Variants in SCAI observed in about 807,000 individuals in gnomAD.
SCAI encodes the protein protein SCAI.
A neutral mutation model predicts 92.2 loss-of-function variants in SCAI; 24 were observed. The observed-to-expected ratio is 0.26, with a 90% CI of 0.19 to 0.37. The LOEUF (loss-of-function observed/expected upper bound fraction) is 0.37. Among genes scored for constraint, SCAI ranks in the 10% least tolerant of loss-of-function variants. The pLI is 1.00. For synonymous variants in SCAI, 261 were observed against 258.6 expected (o/e 1.01, Z -0.09); for missense variants, 450 against 736.2 (o/e 0.61, Z 4.50).
At chr9:125,112,968 G>A (rs1272730421) in intron 2 of SCAI, among the ~76,000 whole-genome samples, 3 of 152,156 alleles carry the variant, frequency 2.0e-5, no homozygotes, top group Non-Finnish European at 4.4e-5. Context: ...ACCAAAGCAT[G>A]AAACAAATAT....
intron 17 of SCAI, among the ~76,000 whole-genome samples, chr9:124,956,583 AT>A (rs1407411666): frequency 6.6e-6 from 1 of 152,216 alleles, no homozygotes; most frequent in Non-Finnish European, 1.5e-5. Flanking sequence ...AGATCAGTAG[AT>A]GCAGAAAAAA....
chr9:124,957,523 C>G (rs1338104837), intron 17 of SCAI, among the ~76,000 whole-genome samples: 1 of 113,740 alleles, frequency 8.8e-6, no homozygotes. Context: ...CCACCACACC[C>G]GGCTAATTTT....
intron 2 of SCAI, among the ~76,000 whole-genome samples, chr9:125,141,492 A>C (rs981017069): frequency 1.3e-5 from 2 of 152,258 alleles, no homozygotes; most frequent in Non-Finnish European, 2.9e-5. Flanking sequence ...CATGGAATGC[A>C]GTCAAAAATG....
At chr9:124,987,710 C>G (rs1832026031) in intron 14 of SCAI, among the ~76,000 whole-genome samples, 1 of 152,082 alleles carries the variant, frequency 6.6e-6, no homozygotes, top group South Asian at 2.1e-4. Flanking sequence ...ACCTGTAATC[C>G]CAACACTTTG....
rs983933276 is a variant in SCAI, at chr9:124,951,283, G to C, written c.*1524C>G. The C allele has an allele frequency of 6.6e-6, 1 of 151,838 alleles. No homozygotes were observed. 9.4% of individuals were successfully genotyped at this position (151,838 alleles called of 1,614,324 possible). ...GCACTTTGGGAGGCTGAGGCAGGCA[G>C]ATCACAAGGTCAGGAGTTTGAGACC... On this transcript the variant is annotated 3_prime_UTR_variant, in exon 18 of 18. Coordinates refer to ENST00000336505, the MANE Select transcript of SCAI (RefSeq NM_001144877.3).
chr9:125,003,597 A>C, intron 9 of SCAI, 27 bp from the exon 10 acceptor site: 2 of 1,413,270 alleles, frequency 1.4e-6, no homozygotes, highest in Non-Finnish European at 1.0e-6. Flanking sequence ...AACAAACACA[A>C]CCTAGCCTTA....
At chr9:125,126,199 A>C (rs1311907162) in intron 2 of SCAI, among the ~76,000 whole-genome samples, 10 of 152,126 alleles carry the variant, frequency 6.6e-5, no homozygotes, top group Non-Finnish European at 1.5e-5. Context: ...TGAGCCAGTC[A>C]TGTGGCTGCC....
chr9:125,061,199 AG>A (rs1244004203), intron 2 of SCAI, among the ~76,000 whole-genome samples: 1 of 152,198 alleles, frequency 6.6e-6, no homozygotes. Context: ...CTGGAGGCTG[AG>A]GCAGGAAAAT....
chr9:125,079,275 T>A (rs1445529021), intron 2 of SCAI, among the ~76,000 whole-genome samples: 7 of 152,236 alleles, frequency 4.6e-5, no homozygotes. Context: ...TATGTTATTG[T>A]TAATTATATC....
intron 5 of SCAI, 63 bp downstream of exon 5, chr9:125,028,329 T>C (rs1833002045): frequency 2.2e-6 from 2 of 909,066 alleles, no homozygotes; most frequent in Non-Finnish European, 3.5e-6. Context: ...TATGTATGTA[T>C]ACTTCTGCAT....
chr9:124,971,487 A>C lies in SCAI; in HGVS notation c.1574-17T>G. 6.3e-7 allele frequency: 1 copy of C among 1,575,942 alleles called. No individual in the cohort carries two copies. Among genetic ancestry groups the C allele is most frequent in the Middle Eastern group, 1.7e-4 (1 of 5,970 alleles). On this transcript the variant is annotated splice_polypyrimidine_tract_variant and intron_variant, in intron 16 of 17. Transcript: ENST00000336505. ...ATGCCTGATCTGCAAAGAGGAGAAA[A>C]GTGACAGTAAAAAGATGCTTAAATG...
intron 3 of SCAI, among the ~76,000 whole-genome samples, chr9:125,049,975 C>G (rs1490523195): frequency 6.6e-6 from 1 of 151,968 alleles, no homozygotes; most frequent in East Asian, 1.9e-4. Flanking sequence ...AGCATGTGCA[C>G]TTTTCCGCAG....
intron 2 of SCAI, among the ~76,000 whole-genome samples, chr9:125,131,552 T>C (rs992929813): frequency 6.6e-6 from 1 of 152,198 alleles, no homozygotes; most frequent in Non-Finnish European, 1.5e-5. Context: ...ACAGGACCTA[T>C]GAGCTCTTTT....
At chr9:125,001,870 A>C in intron 12 of SCAI, 95 bp downstream of exon 12, 1 of 804,230 alleles carries the variant, frequency 1.2e-6, no homozygotes, top group Non-Finnish European at 2.0e-6. Context: ...CTGTCTAGAA[A>C]GGCTGAGATG....
intron 17 of SCAI, among the ~76,000 whole-genome samples, chr9:124,965,212 A>G (rs1230481225): frequency 1.3e-5 from 2 of 152,154 alleles, no homozygotes; most frequent in Non-Finnish European, 2.9e-5. Context: ...CTTTTTCTCA[A>G]ATCATAATAT....
Position 125,029,661 on chromosome 9 carries a change from C to T in SCAI, c.309G>A (p.Lys103=). The T allele has an allele frequency of 6.2e-7, 1 of 1,610,826 alleles. No homozygotes were observed. Among genetic ancestry groups the T allele is most frequent in the African/African-American group, 1.3e-5 (1 of 74,986 alleles). Residue 103 remains lysine (K), a synonymous_variant, in exon 4 of 18, where the codon AAG becomes AAA. Transcript: ENST00000336505. ...TCATTTACCGATGCTGCTGCTGGAACTTCCAGAGTTTGGTGTAAACATCAA... is the reference window on the plus strand; with the variant it reads ...TCATTTACCGATGCTGCTGCTGGAATTTCCAGAGTTTGGTGTAAACATCAA... The part of the protein sequence containing the change: ...RTFDVYTKLW[K]FQQQHRQVLD...
chr9:125,130,641 GTAGC>G (rs1835378669), intron 2 of SCAI, among the ~76,000 whole-genome samples: 1 of 151,618 alleles, frequency 6.6e-6, no homozygotes, highest in Admixed American at 6.6e-5. Context: ...AGCCTCCTGG[GTAGC>G]TAGGACTACA....
At chr9:125,102,888 G>A (rs182019981) in intron 2 of SCAI, among the ~76,000 whole-genome samples, 57 of 152,116 alleles carry the variant, frequency 3.7e-4, no homozygotes, top group African/African-American at 1.2e-3. Context: ...GTGAGGCACC[G>A]CGCCCAGCCC....
intron 2 of SCAI, among the ~76,000 whole-genome samples, chr9:125,140,379 T>A (rs890422547): frequency 6.6e-6 from 1 of 150,878 alleles, no homozygotes; most frequent in Non-Finnish European, 1.5e-5. Flanking sequence ...AATACAAAAA[T>A]TAGCCGGGCA....
Sources: gnomAD v4.1 joint callset for allele counts (sites outside exome capture counted in the v4.1 genomes callset) on GRCh38, gnomAD v4.1.1 for gene constraint, MANE v1.5 for transcripts, NCBI Gene and HGNC (gene_info 2026-07-23, HGNC 2026-07-21) for gene names.